The following FBXL20 variants were observed in gnomAD, a reference collection of about 807,000 sequenced individuals.
FBXL20 encodes the protein F-box/LRR-repeat protein 20.
FBXL20 carries 11 observed loss-of-function variants against 64.0 expected under a neutral mutation model. The observed-to-expected ratio is 0.17, with a 90% CI of 0.11 to 0.28. The LOEUF (loss-of-function observed/expected upper bound fraction) is 0.28, where lower values mean the gene tolerates loss of function less well. Ranked by LOEUF, FBXL20 falls within the 10% of genes least tolerant of loss-of-function variation. The pLI, the probability that FBXL20 is intolerant of heterozygous loss-of-function variation, is 1.00. For synonymous variants in FBXL20, 184 were observed against 189.0 expected (o/e 0.97, Z 0.22); for missense variants, 303 against 526.2 (o/e 0.58, Z 4.15).
At chr17:39,359,691 G>C (rs1045884270) in intron 1 of FBXL20, among the ~76,000 whole-genome samples, 1 of 152,064 alleles carries the variant, frequency 6.6e-6, no homozygotes, top group Non-Finnish European at 1.5e-5. Flanking sequence ...CATTGCTCAT[G>C]GGAATGGAAA....
intron 11 of FBXL20, among the ~76,000 whole-genome samples, chr17:39,269,747 CT>C (rs1236328990): frequency 6.6e-6 from 1 of 152,044 alleles, no homozygotes; most frequent in Admixed American, 6.6e-5. Context: ...ATCCACCCCC[CT>C]TGGCCTCCCC....
chr17:39,284,203 A>G (rs1461640136), intron 7 of FBXL20, among the ~76,000 whole-genome samples: 1 of 152,196 alleles, frequency 6.6e-6, no homozygotes, highest in Non-Finnish European at 1.5e-5. Context: ...ACTCTACTTC[A>G]CAAAGCTTTT....
intron 4 of FBXL20, among the ~76,000 whole-genome samples, chr17:39,300,636 C>T (rs1484884799): frequency 4.6e-5 from 7 of 152,114 alleles, no homozygotes; most frequent in African/African-American, 7.2e-5. Context: ...TATATACGAA[C>T]GCCATCCCAA....
At chr17:39,349,721 G>C (rs1156724897) in intron 1 of FBXL20, among the ~76,000 whole-genome samples, 1 of 152,156 alleles carries the variant, frequency 6.6e-6, no homozygotes, top group African/African-American at 2.4e-5. Flanking sequence ...CAGATCACGA[G>C]GTCAGGAGAT....
At chr17:39,339,898 A>C (rs1364271377) in intron 2 of FBXL20, among the ~76,000 whole-genome samples, 1 of 151,768 alleles carries the variant, frequency 6.6e-6, no homozygotes, top group African/African-American at 2.4e-5. Flanking sequence ...CGCCCGTCTC[A>C]GCCTCCCAAA....
chr17:39,259,453 T>C lies in FBXL20; in HGVS notation c.*2007A>G, dbSNP rs201238189. 1 of 152,154 alleles carries C rather than the reference T, an allele frequency of 6.6e-6. No homozygotes were observed. The highest frequency in any genetic ancestry group is 6.5e-5 in the Admixed American group (1 of 15,272). 9.4% of individuals were successfully genotyped at this position (152,154 alleles called of 1,614,324 possible). A position where few individuals can be genotyped will look rare whatever the true frequency, so the allele number is the denominator to read the frequency against. Reference sequence around the variant, plus strand: ...ACTAAAAATCACACTGGGTTTCTAATCTTGGGGTTTAGAAATTTTCTTCTT... The same window carrying C: ...ACTAAAAATCACACTGGGTTTCTAACCTTGGGGTTTAGAAATTTTCTTCTT... On this transcript the variant is annotated 3_prime_UTR_variant, in exon 15 of 15. Transcript: ENST00000264658.
At chr17:39,283,728 G>T (rs1288004209) in intron 7 of FBXL20, among the ~76,000 whole-genome samples, 1 of 152,090 alleles carries the variant, frequency 6.6e-6, no homozygotes, top group Non-Finnish European at 1.5e-5. Context: ...CTGAATTTAG[G>T]ATATCTTATG....
chr17:39,394,875 CA>C (rs1459780408), intron 1 of FBXL20, among the ~76,000 whole-genome samples: 1 of 152,014 alleles, frequency 6.6e-6, no homozygotes, highest in Non-Finnish European at 1.5e-5. Context: ...TGTACCCGGC[CA>C]GATACGGAAA....
chr17:39,304,406 G>GCCT (rs1403643564), intron 2 of FBXL20, among the ~76,000 whole-genome samples: 2 of 152,056 alleles, frequency 1.3e-5, no homozygotes, highest in Non-Finnish European at 2.9e-5. Flanking sequence ...TCCCACCTCA[G>GCCT]CCTCCTGAGT....
chr17:39,295,525 G>T (rs1229823850), intron 6 of FBXL20, among the ~76,000 whole-genome samples: 2 of 152,140 alleles, frequency 1.3e-5, no homozygotes, highest in African/African-American at 4.8e-5. Flanking sequence ...AAGGTGCTAG[G>T]ATTATAGACC....
At chr17:39,363,810 C>CACAAAAAAAA (rs2047823787) in intron 1 of FBXL20, among the ~76,000 whole-genome samples, 1 of 26,676 alleles carries the variant, frequency 3.7e-5, no homozygotes, top group African/African-American at 2.4e-4. Context: ...GACTTTATCT[C>CACAAAAAAAA]AAAAAAAAAA....
At chr17:39,348,522 C>T (rs1459340374) in intron 1 of FBXL20, among the ~76,000 whole-genome samples, 1 of 151,996 alleles carries the variant, frequency 6.6e-6, no homozygotes, top group Non-Finnish European at 1.5e-5. Flanking sequence ...AAACTCCTGG[C>T]CTCAAGCAAT....
chr17:39,299,135 A>G (rs761284911), intron 4 of FBXL20, 51 bp from the exon 5 acceptor site: 2 of 1,227,636 alleles, frequency 1.6e-6, no homozygotes, highest in African/African-American at 1.5e-5. Flanking sequence ...ATTACTTTAG[A>G]AAAGAACACA....
intron 2 of FBXL20, among the ~76,000 whole-genome samples, chr17:39,341,261 A>C (rs1385280717): frequency 3.3e-5 from 5 of 152,162 alleles, no homozygotes; most frequent in Non-Finnish European, 5.9e-5. Context: ...TTCCCATAGA[A>C]ATCATGTAAT....
At chr17:39,380,185 C>T (rs2048008666) in intron 1 of FBXL20, among the ~76,000 whole-genome samples, 1 of 152,162 alleles carries the variant, frequency 6.6e-6, no homozygotes, top group African/African-American at 2.4e-5. Flanking sequence ...TGAGTTATAT[C>T]ACGTTCCTCT....
Position 39,299,075 on chromosome 17 carries a change from C to G in FBXL20, c.244G>C (p.Val82Leu). The G allele has an allele frequency of 6.2e-7, 1 of 1,610,678 alleles. No individual in the cohort carries two copies. The highest frequency in any genetic ancestry group is 8.5e-7 in the Non-Finnish European group (1 of 1,178,870). ...CCACATCGTTTTGAAATATTCTCCA[C>G]TACTCGGCCCTGTAAAATGAGACAG... Reference protein sequence around the residue: ...DFQRDIEGRVVENISKRCGGF... With the variant: ...DFQRDIEGRVLENISKRCGGF... The change falls in exon 5 of 15, where the codon GTG (valine) becomes CTG (leucine). Residue 82 changes from valine (V) to leucine (L), a missense_variant. Physicochemically the swap from Val to Leu is conservative, Grantham distance 32 (BLOSUM62 1). This residue lies in a region of FBXL20 where 246 missense variants were observed against 422.6 expected (regional missense o/e 0.58). Coordinates refer to ENST00000264658, the MANE Select transcript of FBXL20 (RefSeq NM_032875.3).
At chr17:39,295,712 A>G (rs1219509078) in intron 6 of FBXL20, among the ~76,000 whole-genome samples, 2 of 150,972 alleles carry the variant, frequency 1.3e-5, no homozygotes, top group Non-Finnish European at 1.5e-5. Context: ...ACTTCCCCAT[A>G]TAAGTAACTA....
intron 1 of FBXL20, among the ~76,000 whole-genome samples, chr17:39,355,574 G>A (rs2047727850): frequency 6.6e-6 from 1 of 151,152 alleles, no homozygotes; most frequent in Non-Finnish European, 1.5e-5. Flanking sequence ...AGAACTCCTG[G>A]GCCGGGCGCG....
At chr17:39,379,141 G>A (rs1056859409) in intron 1 of FBXL20, among the ~76,000 whole-genome samples, 4 of 150,008 alleles carry the variant, frequency 2.7e-5, no homozygotes, top group Admixed American at 6.6e-5. Context: ...CAGGAGAATC[G>A]CTTGAACCCA....
Sources: allele counts gnomAD v4.1 joint callset (sites outside exome capture counted in the v4.1 genomes callset), GRCh38; gene constraint gnomAD v4.1.1; regional missense constraint gnomAD v4.1.1; transcripts MANE v1.5; gene names NCBI Gene and HGNC (gene_info 2026-07-23, HGNC 2026-07-21).